The following ADAM12 variants were observed in gnomAD, a reference collection of about 807,000 sequenced individuals.
ADAM12 encodes ADAM metallopeptidase domain 12, also known as disintegrin and metalloproteinase domain-containing protein 12.
In ADAM12, 70 loss-of-function variants were observed where a neutral mutation model predicts 106.4. The observed-to-expected ratio is 0.66, with a 90% CI of 0.54 to 0.80. The LOEUF is 0.80. Among genes scored for constraint, ADAM12 ranks in the 30% least tolerant of loss-of-function variants. The pLI, the probability that ADAM12 is intolerant of heterozygous loss-of-function variation, is 0.00. For synonymous variants in ADAM12, 420 were observed against 433.5 expected, an observed-to-expected ratio of 0.97 and a Z score of 0.39; for missense variants, 1,010 against 1,171.9, an observed-to-expected ratio of 0.86 and a Z score of 2.02.
chr10:126,063,024 T>C lies in ADAM12; in HGVS notation c.1609+1782A>G, dbSNP rs550553804. Among the ~76,000 whole-genome samples, 219 of 152,362 alleles carry C rather than the reference T, an allele frequency of 1.4e-3. 1 individual carries two copies. The highest frequency in any genetic ancestry group is 2.7e-3 in the Non-Finnish European group (181 of 68,030). ...TGTATAGCGAGTACTGGCTTAGTCC[T>C]TGTCATTGCAACAGGGTGTCCCCCA... On this transcript the variant is annotated intron_variant, in intron 14 of 22. Coordinates refer to ENST00000448723, the MANE Select transcript of ADAM12 (RefSeq NM_001288973.2).
At chr10:126,326,059 A>C (rs1854289701) in intron 2 of ADAM12, among the ~76,000 whole-genome samples, 1 of 152,218 alleles carries the variant, frequency 6.6e-6, no homozygotes. Context: ...CTAACATCCC[A>C]TTCAGAAAGA....
At chr10:126,130,708 C>T (rs1472649460) in intron 5 of ADAM12, among the ~76,000 whole-genome samples, 4 of 152,148 alleles carry the variant, frequency 2.6e-5, no homozygotes, top group East Asian at 1.9e-4. Context: ...GCTAAGGCAG[C>T]GTGCCTGGCA....
At chr10:126,160,199 C>G (rs1199723432) in intron 3 of ADAM12, among the ~76,000 whole-genome samples, 2 of 152,122 alleles carry the variant, frequency 1.3e-5, no homozygotes, top group Non-Finnish European at 2.9e-5. Context: ...CAGAGTCTTG[C>G]AAAATGCAGG....
At chr10:126,384,255 C>G (rs375909597) in intron 1 of ADAM12, among the ~76,000 whole-genome samples, 1 of 152,124 alleles carries the variant, frequency 6.6e-6, no homozygotes, top group Non-Finnish European at 1.5e-5. Flanking sequence ...GTAAAGAATA[C>G]GAGCTTGTAA....
chr10:126,363,193 A>G (rs920285389), intron 1 of ADAM12, among the ~76,000 whole-genome samples: 13 of 152,244 alleles, frequency 8.5e-5, no homozygotes, highest in African/African-American at 3.1e-4. Flanking sequence ...ATGATTTTCT[A>G]GGAAAAGATA....
intron 3 of ADAM12, among the ~76,000 whole-genome samples, chr10:126,189,840 G>A (rs1957464771): frequency 6.6e-6 from 1 of 152,054 alleles, no homozygotes; most frequent in Admixed American, 6.5e-5. Context: ...GCCTCCTGCA[G>A]AACCTTCCTG....
chr10:126,296,303 G>C (rs1395416236), intron 2 of ADAM12, among the ~76,000 whole-genome samples: 1 of 152,032 alleles, frequency 6.6e-6, no homozygotes, highest in Non-Finnish European at 1.5e-5. Context: ...CACCATGCCT[G>C]ACTAATTTTT....
chr10:126,176,251 G>T (rs942296609), intron 3 of ADAM12, among the ~76,000 whole-genome samples: 21 of 152,238 alleles, frequency 1.4e-4, no homozygotes, highest in African/African-American at 5.1e-4. Context: ...TGCGTTCAAG[G>T]CCTTCTCTGG....
At chr10:126,088,676 C>T (rs1364546174) in intron 11 of ADAM12, among the ~76,000 whole-genome samples, 2 of 151,222 alleles carry the variant, frequency 1.3e-5, no homozygotes, top group African/African-American at 4.9e-5. Flanking sequence ...TGTCACTGCA[C>T]ACTCCAGCCT....
At chr10:126,157,032 T>C (rs11244852) in intron 3 of ADAM12, among the ~76,000 whole-genome samples, 26,154 of 151,396 alleles carry the variant, frequency 0.17, 2,913 homozygotes, top group East Asian at 0.47. Flanking sequence ...TGTGTGTGTG[T>C]GGGGGGGTGC....
At chr10:126,143,587 G>GTT (rs1956566000) in intron 4 of ADAM12, among the ~76,000 whole-genome samples, 1 of 47,992 alleles carries the variant, frequency 2.1e-5, no homozygotes, top group Non-Finnish European at 3.3e-5. Flanking sequence ...ATTTGTGTGT[G>GTT]TATATGCATG....
At chr10:126,358,105 G>C (rs1855605979) in intron 1 of ADAM12, among the ~76,000 whole-genome samples, 1 of 151,970 alleles carries the variant, frequency 6.6e-6, no homozygotes, top group East Asian at 1.9e-4. Context: ...ATGAACCCCG[G>C]GGGGTGGAAC....
chr10:126,157,024 T>A (rs1956830453), intron 3 of ADAM12, among the ~76,000 whole-genome samples: 3 of 103,626 alleles, frequency 2.9e-5, no homozygotes, highest in African/African-American at 9.0e-5. Flanking sequence ...GTTTTGTGTG[T>A]GTGTGTGTGG....
chr10:126,183,363 G>A (rs932069412), intron 3 of ADAM12, among the ~76,000 whole-genome samples: 2 of 152,200 alleles, frequency 1.3e-5, no homozygotes, highest in Admixed American at 1.3e-4. Context: ...ACTGGTCCCT[G>A]GTGCTAGAAG....
chr10:126,320,071 G>C (rs182067941), intron 2 of ADAM12, among the ~76,000 whole-genome samples: 3 of 152,150 alleles, frequency 2.0e-5, no homozygotes, highest in African/African-American at 7.2e-5. Flanking sequence ...TATTACAAAG[G>C]TTTTTACCCT....
At chr10:126,355,175 G>A (rs1011247937) in intron 1 of ADAM12, among the ~76,000 whole-genome samples, 3 of 151,522 alleles carry the variant, frequency 2.0e-5, no homozygotes, top group South Asian at 2.1e-4. Flanking sequence ...CTAAACATTC[G>A]GCCAAAAAAT....
chr10:126,278,161 G>T (rs189063737), intron 3 of ADAM12, among the ~76,000 whole-genome samples: 1 of 152,300 alleles, frequency 6.6e-6, no homozygotes, highest in Non-Finnish European at 1.5e-5. Context: ...GGAAAATTGA[G>T]TTCTATCTTT....
chr10:126,214,527 A>G (rs888812348), intron 3 of ADAM12, among the ~76,000 whole-genome samples: 1 of 152,242 alleles, frequency 6.6e-6, no homozygotes, highest in Admixed American at 6.5e-5. Context: ...CTGGAAATGT[A>G]TATGAGAGAC....
chr10:126,146,863 CT>C (rs1470904019), intron 4 of ADAM12, among the ~76,000 whole-genome samples: 1 of 152,214 alleles, frequency 6.6e-6, no homozygotes, highest in African/African-American at 2.4e-5. Flanking sequence ...ACTTGATACA[CT>C]TATGAGATGT....
Sources: gnomAD v4.1 joint callset for allele counts (sites outside exome capture counted in the v4.1 genomes callset) on GRCh38, gnomAD v4.1.1 for gene constraint, MANE v1.5 for transcripts, NCBI Gene and HGNC (gene_info 2026-07-23, HGNC 2026-07-21) for gene names.